The following ZNF236 variants were observed in gnomAD, a reference collection of about 807,000 sequenced individuals.
ZNF236 encodes the protein zinc finger protein 236.
Under a neutral mutation model 191.2 loss-of-function variants are expected in ZNF236, and 50 were observed. That is an observed-to-expected ratio of 0.26 (90% CI 0.21 to 0.33). The LOEUF (loss-of-function observed/expected upper bound fraction) is 0.33, where lower values mean the gene tolerates loss of function less well. ZNF236 is among the 10% of genes least tolerant of loss of function. ZNF236 has a pLI of 1.00. For missense variants in ZNF236, 1,754 were observed against 2,374.5 expected (o/e 0.74, Z 5.43); for synonymous variants, 907 against 928.8 (o/e 0.98, Z 0.43).
At chr18:76,823,486 C>T (rs1216517228) in intron 1 of ZNF236, among the ~76,000 whole-genome samples, 6 of 151,706 alleles carry the variant, frequency 4.0e-5, no homozygotes, top group Non-Finnish European at 7.4e-5. Flanking sequence ...CTGGAGAGCG[C>T]TGTGGGTCGT....
intron 27 of ZNF236, among the ~76,000 whole-genome samples, chr18:76,950,252 C>G (rs1166334461): frequency 6.6e-6 from 1 of 152,168 alleles, no homozygotes; most frequent in Non-Finnish European, 1.5e-5. Flanking sequence ...AAAGTAGAAC[C>G]TCTTTCAAAA....
chr18:76,961,775 T>A (rs1486505692), intron 30 of ZNF236, among the ~76,000 whole-genome samples: 1 of 152,078 alleles, frequency 6.6e-6, no homozygotes, highest in Non-Finnish European at 1.5e-5. Flanking sequence ...GTGAGTAAAA[T>A]GGTATCACAT....
chr18:76,968,448 A>G lies in ZNF236; in HGVS notation c.*109A>G. ...CTTCAAGTGTTAAAAATGCTACAATAGTTTTTTATCTATAAAATTATCTAA... is the reference window on the plus strand; with the variant it reads ...CTTCAAGTGTTAAAAATGCTACAATGGTTTTTTATCTATAAAATTATCTAA... On this transcript the variant is annotated 3_prime_UTR_variant, in exon 31 of 31. Transcript: ENST00000320610. 2.0e-6 allele frequency: 3 copies of G among 1,502,680 alleles called. No homozygotes were observed. The highest frequency in any genetic ancestry group is 2.6e-5 in the Admixed American group (1 of 37,852). 93.1% of individuals were successfully genotyped at this position (1,502,680 alleles called of 1,614,324 possible). A position where few individuals can be genotyped will look rare whatever the true frequency, so the allele number is the denominator to read the frequency against.
intron 27 of ZNF236, among the ~76,000 whole-genome samples, chr18:76,949,768 C>T (rs986010148): frequency 9.2e-5 from 14 of 151,504 alleles, no homozygotes; most frequent in East Asian, 7.8e-4. Flanking sequence ...AAGTGATTCT[C>T]CTGCCTCAGC....
Position 76,904,373 on chromosome 18 carries a change from T to A in ZNF236, c.1895-7T>A. On this transcript the variant is annotated splice_polypyrimidine_tract_variant and splice_region_variant and intron_variant, in intron 11 of 30. Coordinates refer to ENST00000320610, the MANE Select transcript of ZNF236 (RefSeq NM_001306089.2). ...TGAATTACATCTGCTTTTCTTTTGC[T>A]TTGTAGGTCTCATCCAGCCCATTCC... 20 of 1,592,076 alleles carry A rather than the reference T, an allele frequency of 1.3e-5. No individual in the cohort carries two copies. Among genetic ancestry groups the A allele is most frequent in the Non-Finnish European group, 1.7e-5 (20 of 1,171,118 alleles).
intron 4 of ZNF236, among the ~76,000 whole-genome samples, chr18:76,869,965 T>TA (rs1976535150): frequency 6.6e-6 from 1 of 152,122 alleles, no homozygotes; most frequent in Admixed American, 6.5e-5. Flanking sequence ...CCAAAAAAAA[T>TA]AAAATAAAAT....
At chr18:76,854,078 A>G (rs887404932) in intron 3 of ZNF236, among the ~76,000 whole-genome samples, 2 of 152,156 alleles carry the variant, frequency 1.3e-5, no homozygotes, top group African/African-American at 4.8e-5. Context: ...TGTTCTCTCC[A>G]TAAGAAATAT....
intron 11 of ZNF236, among the ~76,000 whole-genome samples, chr18:76,900,004 A>G (rs993742554): frequency 6.6e-6 from 1 of 152,212 alleles, no homozygotes; most frequent in Non-Finnish European, 1.5e-5. Context: ...CTCTTACTAC[A>G]TGAATTTTGG....
intron 1 of ZNF236, among the ~76,000 whole-genome samples, chr18:76,847,932 T>C (rs1975743810): frequency 6.6e-6 from 1 of 152,226 alleles, no homozygotes; most frequent in South Asian, 2.1e-4. Context: ...TAGACTCACT[T>C]TTTATGTATG....
chr18:76,871,320 T>C (rs1644504568), intron 4 of ZNF236, among the ~76,000 whole-genome samples: 1 of 152,100 alleles, frequency 6.6e-6, no homozygotes, highest in Non-Finnish European at 1.5e-5. Context: ...ATCATTGGTA[T>C]GCAGATGGTG....
At chr18:76,831,610 T>A (rs892135201) in intron 1 of ZNF236, among the ~76,000 whole-genome samples, 1 of 152,228 alleles carries the variant, frequency 6.6e-6, no homozygotes, top group African/African-American at 2.4e-5. Flanking sequence ...TCTAACAGGC[T>A]GCGAAGCTGT....
chr18:76,841,688 T>C (rs868433297), intron 1 of ZNF236, among the ~76,000 whole-genome samples: 1 of 145,746 alleles, frequency 6.9e-6, no homozygotes, highest in South Asian at 2.2e-4. Flanking sequence ...CTGGGTTTTT[T>C]TTTTTCTTTT....
chr18:76,830,448 C>A (rs1415881240), intron 1 of ZNF236, among the ~76,000 whole-genome samples: 1 of 152,088 alleles, frequency 6.6e-6, no homozygotes, highest in African/African-American at 2.4e-5. Flanking sequence ...GCCAGCCAGT[C>A]GCCCAGTGAC....
At chr18:76,945,318 A>C (rs1968231906) in intron 26 of ZNF236, among the ~76,000 whole-genome samples, 1 of 152,258 alleles carries the variant, frequency 6.6e-6, no homozygotes, top group Non-Finnish European at 1.5e-5. Flanking sequence ...AATGTGAATT[A>C]ATAAGTCCAG....
chr18:76,967,677 A>T (rs201485248), intron 30 of ZNF236, among the ~76,000 whole-genome samples: 65 of 61,838 alleles, frequency 1.1e-3, no homozygotes, highest in South Asian at 2.4e-3. Flanking sequence ...TTGGTGTTGG[A>T]GGTGGTGTGA....
rs1212118359 is a variant in ZNF236 at position 76,970,213 on chromosome 18, G to T, written c.*1874G>T. The T allele has an allele frequency of 2.6e-5, 4 of 152,668 alleles. No homozygotes were observed. The highest frequency in any genetic ancestry group is 1.3e-4 in the Admixed American group (2 of 15,298). The allele number at this position is 152,668 out of a possible 1,614,324, so 9.5% of individuals were successfully genotyped here. A position where few individuals can be genotyped will look rare whatever the true frequency, so the allele number is the denominator to read the frequency against. On this transcript the variant is annotated 3_prime_UTR_variant, in exon 31 of 31. Coordinates refer to ENST00000320610, the MANE Select transcript of ZNF236 (RefSeq NM_001306089.2). ...ATTGGAATTTTAAACTTTTGTTCTT[G>T]CTGGGTTATTTATTTTGATTTTAGC...
rs1428776131 is a variant in ZNF236, at chr18:76,927,956, T to C, written c.4444T>C (p.Ser1482Pro). ...GTQDLTQVMT[S>P]QGLVSPSGGP... ...CCAAGACCTCACTCAAGTGATGACT[T>C]CGCAAGGTCTAGTGTCCCCCTCCGG... The change falls in exon 25 of 31, where the codon TCG becomes CCG. Residue 1482 changes from serine to proline, a missense_variant. This residue lies in a region of ZNF236 where 606 missense variants were observed against 761.5 expected (regional missense o/e 0.80). Coordinates refer to ENST00000320610, the MANE Select transcript of ZNF236 (RefSeq NM_001306089.2). This position sits in a 1 kb window ranked among gnomAD's most constrained non-coding sequence, Gnocchi z 5.4. The C allele has an allele frequency of 1.2e-6, 2 of 1,609,974 alleles. No individual in the cohort carries two copies. The highest frequency in any genetic ancestry group is 4.5e-5 in the East Asian group (2 of 44,510).
At chr18:76,852,263 A>G (rs117129191) in intron 3 of ZNF236, among the ~76,000 whole-genome samples, 2,463 of 152,290 alleles carry the variant, frequency 0.016, 31 homozygotes, top group Middle Eastern at 0.02. Context: ...CGATTCTGCC[A>G]TGGCCAAAAG....
chr18:76,864,868 C>A (rs1976360880), intron 3 of ZNF236, among the ~76,000 whole-genome samples: 1 of 151,786 alleles, frequency 6.6e-6, no homozygotes, highest in South Asian at 2.1e-4. Flanking sequence ...CCATACAAAG[C>A]AATGTACTCG....
Sources: allele counts gnomAD v4.1 joint callset (sites outside exome capture counted in the v4.1 genomes callset), GRCh38; gene constraint gnomAD v4.1.1; regional missense constraint gnomAD v4.1.1; non-coding constraint Gnocchi (gnomAD v3.1); transcripts MANE v1.5; gene names NCBI Gene and HGNC (gene_info 2026-07-23, HGNC 2026-07-21).